MAST2: variants seen among roughly 807,000 people sequenced by gnomAD.
MAST2 encodes microtubule-associated serine/threonine-protein kinase 2.
In MAST2, 70 loss-of-function variants were observed where a neutral mutation model predicts 147.4. That is an observed-to-expected ratio of 0.47 (90% confidence interval 0.39 to 0.58). MAST2 has a LOEUF of 0.58. Among genes scored for constraint, MAST2 ranks in the 20% least tolerant of loss-of-function variants. The pLI is 0.00. For missense variants in MAST2, 2,080 were observed against 2,302.3 expected, an observed-to-expected ratio of 0.90 and a Z score of 1.98; for synonymous variants, 869 against 896.8, an observed-to-expected ratio of 0.97 and a Z score of 0.55.
intron 3 of MAST2, among the ~76,000 whole-genome samples, chr1:45,868,648 A>G (rs1007742895): frequency 1.3e-5 from 2 of 152,116 alleles, no homozygotes; most frequent in African/African-American, 4.8e-5. Flanking sequence ...GCATACTGGG[A>G]AGCATTATTA....
At chr1:45,960,932 C>T (rs1011225107) in intron 5 of MAST2, among the ~76,000 whole-genome samples, 2 of 152,212 alleles carry the variant, frequency 1.3e-5, no homozygotes, top group Admixed American at 1.3e-4. Flanking sequence ...TTTCCTTGCT[C>T]ACAGTTTACT....
At chr1:45,824,738 C>T (rs992232614) in intron 2 of MAST2, among the ~76,000 whole-genome samples, 158 bp downstream of exon 2, 3 of 152,206 alleles carry the variant, frequency 2.0e-5, no homozygotes, top group Non-Finnish European at 4.4e-5. Context: ...ACTTCTTCCT[C>T]ATGGAATCTC....
chr1:45,913,653 G>A (rs560177684), intron 4 of MAST2: 2 of 1,015,602 alleles, frequency 2.0e-6, no homozygotes, highest in South Asian at 3.6e-5. Flanking sequence ...GGTCTTTTGT[G>A]GGGGGATGGG....
chr1:45,961,312 A>G (rs1660386101), intron 5 of MAST2, among the ~76,000 whole-genome samples: 1 of 152,230 alleles, frequency 6.6e-6, no homozygotes. Context: ...CTCAGCATAC[A>G]TCTATCTGAC....
At chr1:45,843,145 G>T (rs1645327838) in intron 3 of MAST2, among the ~76,000 whole-genome samples, 1 of 151,522 alleles carries the variant, frequency 6.6e-6, no homozygotes, top group East Asian at 1.9e-4. Context: ...GAATTTTTTT[G>T]TTGTTTTAAG....
At chr1:45,887,461 C>T (rs1647145939) in intron 4 of MAST2, among the ~76,000 whole-genome samples, 1 of 152,008 alleles carries the variant, frequency 6.6e-6, no homozygotes, top group Non-Finnish European at 1.5e-5. Context: ...TTTATTTTGT[C>T]AGCTTATTCA....
intron 16 of MAST2, among the ~76,000 whole-genome samples, chr1:46,026,374 G>GA (rs1448369722): frequency 6.6e-6 from 1 of 152,224 alleles, no homozygotes; most frequent in African/African-American, 2.4e-5. Context: ...CGACAGCTTA[G>GA]ATGGTGAGAG....
intron 10 of MAST2, among the ~76,000 whole-genome samples, chr1:46,014,458 G>A (rs555704285): frequency 1.7e-4 from 26 of 151,412 alleles, no homozygotes; most frequent in South Asian, 4.2e-4. Flanking sequence ...AGTTTACTGG[G>A]AATGATGATT....
At chr1:45,820,834 CT>C (rs59059194) in intron 1 of MAST2, among the ~76,000 whole-genome samples, 55,259 of 102,564 alleles carry the variant, frequency 0.54, 12,243 homozygotes, top group Middle Eastern at 0.6. Flanking sequence ...ACTCTGTCTG[CT>C]TTTTTTTTTT....
rs1045774439 is a variant in MAST2, at chr1:46,003,003, C to T, written c.747+120C>T. ...TCCAAAGTCAAACTCAGAGAGGTTG[C>T]TGAGAGATGATGTTGGGTGCAACAG... On this transcript the variant is annotated intron_variant, in intron 7 of 28. Transcript: ENST00000361297. 3 of 1,007,156 alleles carry T rather than the reference C, an allele frequency of 3.0e-6. No homozygotes were observed. In the African/African-American group the frequency reaches 4.7e-5, roughly 16 times the overall value. The allele number at this position is 1,007,156 out of a possible 1,614,324, so 62.4% of individuals were successfully genotyped here.
At chr1:45,829,701 T>A in intron 3 of MAST2, 120 bp downstream of exon 3, 2 of 1,056,190 alleles carry the variant, frequency 1.9e-6, no homozygotes, top group Non-Finnish European at 1.4e-6. Flanking sequence ...CAAAATGAAG[T>A]ATGGAAGAGA....
At chr1:45,821,969 A>G (rs1163070925) in intron 1 of MAST2, among the ~76,000 whole-genome samples, 2 of 134,248 alleles carry the variant, frequency 1.5e-5, no homozygotes, top group African/African-American at 2.9e-5. Context: ...GCTCACTGCA[A>G]CCTCCACCTC....
intron 4 of MAST2, among the ~76,000 whole-genome samples, chr1:45,943,407 T>TA (rs1195713085): frequency 6.6e-6 from 1 of 152,218 alleles, no homozygotes; most frequent in African/African-American, 2.4e-5. Flanking sequence ...AAAGGCCAGA[T>TA]AAAGCCAAAC....
At chr1:45,872,040 A>C (rs1396043845) in intron 3 of MAST2, among the ~76,000 whole-genome samples, 2 of 152,084 alleles carry the variant, frequency 1.3e-5, no homozygotes, top group East Asian at 3.9e-4. Context: ...CGTTGATTTT[A>C]AATGTTAGTT....
At chr1:45,875,270 A>G (rs1279710738) in intron 3 of MAST2, among the ~76,000 whole-genome samples, 2 of 152,084 alleles carry the variant, frequency 1.3e-5, no homozygotes, top group African/African-American at 2.4e-5. Flanking sequence ...ACATGGGGAA[A>G]CCCTGTCTCT....
At position 45,967,211 on chromosome 1, in the gene MAST2, C is replaced by T. The variant is rs539042821; in HGVS notation, c.592+7734C>T. ...GCCTCATCCTCCCGAGTAGCTGGGA[C>T]TACAGGTGTGTGCCACCACACCCAA... On this transcript the variant is annotated intron_variant, in intron 5 of 28. Transcript: ENST00000361297. 2.1e-3 allele frequency among the ~76,000 whole-genome samples: 315 copies of T among 152,024 alleles called. 2 individuals are homozygous for T. The highest frequency in any genetic ancestry group is 3.7e-3 in the Admixed American group (57 of 15,264).
intron 10 of MAST2, among the ~76,000 whole-genome samples, chr1:46,017,881 C>A (rs572744626): frequency 6.6e-6 from 1 of 152,100 alleles, no homozygotes; most frequent in African/African-American, 2.4e-5. Flanking sequence ...ATGTTTATTG[C>A]GGCACTATTC....
rs1646838993 is a variant in MAST2, at chr1:46,034,924, GAGA to G, written c.4261_4263del (p.Lys1421del). On this transcript the variant is annotated inframe_deletion, in exon 29 of 29. Coordinates refer to ENST00000361297, the MANE Select transcript of MAST2 (RefSeq NM_015112.3). ...ACTGGCAGCAGCACTTGCCGCCTCT[GAGA>G]AGAAGCTAGCCACTTCTCGCAAGCA... The G allele has an allele frequency of 6.2e-7, 1 of 1,614,044 alleles. No individual in the cohort carries two copies. The highest frequency in any genetic ancestry group is 8.5e-7 in the Non-Finnish European group (1 of 1,180,042).
intron 12 of MAST2, 107 bp from the exon 13 acceptor site, chr1:46,022,803 A>G (rs1646242951): frequency 1.2e-6 from 1 of 833,174 alleles, no homozygotes; most frequent in Admixed American, 1.8e-5. Flanking sequence ...AGGCTGATGC[A>G]AAAAGCATTA....
Sources: allele counts gnomAD v4.1 joint callset (sites outside exome capture counted in the v4.1 genomes callset), GRCh38; gene constraint gnomAD v4.1.1; transcripts MANE v1.5; gene names NCBI Gene and HGNC (gene_info 2026-07-23, HGNC 2026-07-21).